TMEM181: variants seen among roughly 807,000 people sequenced by gnomAD.
TMEM181 encodes the protein transmembrane protein 181, also known as G protein-coupled receptor 178.
Under a neutral mutation model 71.9 loss-of-function variants are expected in TMEM181, and 39 were observed. That is an observed-to-expected ratio of 0.54 (90% CI 0.42 to 0.71). TMEM181 has a LOEUF of 0.71. TMEM181 is among the 30% of genes least tolerant of loss of function. The pLI, the probability that TMEM181 is intolerant of heterozygous loss-of-function variation, is 0.00. For synonymous variants in TMEM181, 245 were observed against 228.8 expected (o/e 1.07, Z -0.64); for missense variants, 595 against 583.0 (o/e 1.02, Z -0.21).
intron 7 of TMEM181, among the ~76,000 whole-genome samples, 195 bp downstream of exon 7, chr6:158,605,542 T>C (rs1016628416): frequency 1.1e-4 from 17 of 152,164 alleles, no homozygotes; most frequent in African/African-American, 3.9e-4. Context: ...TGTGGTATCA[T>C]GTATTCAGGA....
intron 10 of TMEM181, among the ~76,000 whole-genome samples, chr6:158,619,002 C>T (rs1201045356): frequency 6.6e-6 from 1 of 152,110 alleles, no homozygotes; most frequent in Non-Finnish European, 1.5e-5. Context: ...ATCTTTGTGG[C>T]GTTCTCTGTA....
At chr6:158,536,766 C>T in exon 1 of TMEM181, 1 of 1,574,712 alleles carries the variant, frequency 6.4e-7, no homozygotes, top group Non-Finnish European at 8.6e-7. Flanking sequence ...TTTGAGCCCC[C>T]GCTCTGCAGC....
intron 4 of TMEM181, 75 bp downstream of exon 4, chr6:158,584,119 T>C: frequency 7.7e-7 from 1 of 1,292,326 alleles, no homozygotes; most frequent in Non-Finnish European, 1.1e-6. Flanking sequence ...GACTTCAGAA[T>C]ATTCAGACAA....
At chr6:158,581,662 G>A (rs1783484967) in intron 3 of TMEM181, among the ~76,000 whole-genome samples, 1 of 144,290 alleles carries the variant, frequency 6.9e-6, no homozygotes, top group African/African-American at 2.6e-5. Context: ...GGCTGAAGCA[G>A]GAGAATGGTG....
chr6:158,549,181 G>C (rs926424015), intron 1 of TMEM181, among the ~76,000 whole-genome samples: 34 of 138,864 alleles, frequency 2.4e-4, no homozygotes, highest in African/African-American at 8.7e-4. Context: ...CCAGTGGCGC[G>C]ATCACGGCTC....
intron 1 of TMEM181, among the ~76,000 whole-genome samples, chr6:158,564,282 A>T (rs1332179989): frequency 6.6e-6 from 1 of 152,190 alleles, no homozygotes; most frequent in Non-Finnish European, 1.5e-5. Context: ...CGACCTCCAC[A>T]TTCTGGGTGT....
chr6:158,553,483 A>C (rs747490312), intron 1 of TMEM181, among the ~76,000 whole-genome samples: 1 of 152,250 alleles, frequency 6.6e-6, no homozygotes, highest in Non-Finnish European at 1.5e-5. Flanking sequence ...TTTGTCAATA[A>C]CTCAGAAGAT....
intron 4 of TMEM181, 107 bp downstream of exon 4, chr6:158,584,151 T>G: frequency 1.2e-6 from 1 of 853,998 alleles, no homozygotes; most frequent in Non-Finnish European, 1.8e-6. Flanking sequence ...AAGATAGATG[T>G]ATAAGGATGT....
Position 158,612,807 on chromosome 6 carries a change from A to G in TMEM181, c.896+4057A>G, listed in dbSNP as rs533316229. Among the ~76,000 whole-genome samples, 245 of 152,352 alleles carry G rather than the reference A, an allele frequency of 1.6e-3. 1 individual carries two copies. The highest frequency in any genetic ancestry group is 1.4e-3 in the Non-Finnish European group (95 of 68,038). ...ATTAAGCAAAATGCTACGGTAATTGAGATTGTCTGTCTGATATCCTACCCT... is the reference window on the plus strand; with the variant it reads ...ATTAAGCAAAATGCTACGGTAATTGGGATTGTCTGTCTGATATCCTACCCT... On this transcript the variant is annotated intron_variant, in intron 10 of 16. Coordinates refer to ENST00000684151, the MANE Select transcript of TMEM181 (RefSeq NM_001376852.1).
intron 4 of TMEM181, among the ~76,000 whole-genome samples, 162 bp from the exon 5 acceptor site, chr6:158,585,142 T>C (rs1396960802): frequency 6.6e-6 from 1 of 152,212 alleles, no homozygotes; most frequent in Non-Finnish European, 1.5e-5. Flanking sequence ...AGGCTTTTAC[T>C]TTGCTGGGCA....
At chr6:158,541,500 C>T (rs1276506388) in intron 1 of TMEM181, among the ~76,000 whole-genome samples, 1 of 152,186 alleles carries the variant, frequency 6.6e-6, no homozygotes, top group Non-Finnish European at 1.5e-5. Flanking sequence ...CCCATCTCCT[C>T]CTCTGATGGA....
rs118158069 is a variant in TMEM181, at chr6:158,561,568, G to A, written c.8+1336G>A. On this transcript the variant is annotated intron_variant, in intron 1 of 16. Coordinates refer to ENST00000684151, the MANE Select transcript of TMEM181 (RefSeq NM_001376852.1). ...TGGGCTGGGTGTGCTTTTTCAGTAG[G>A]AGAGAGGCCGGGGACGTGAGGTGGT... Among the ~76,000 whole-genome samples, 1,397 of 152,316 alleles carry A rather than the reference G, an allele frequency of 9.2e-3. 7 individuals carry two copies. The highest frequency in any genetic ancestry group is 0.014 in the Non-Finnish European group (982 of 68,030).
At chr6:158,555,478 C>T (rs1260732511), upstream of TMEM181, among the ~76,000 whole-genome samples, 1 of 152,108 alleles carries the variant, frequency 6.6e-6, no homozygotes, top group East Asian at 1.9e-4. Context: ...TTTATCTCAA[C>T]TCCAGTAGAA....
Position 158,566,068 on chromosome 6 carries a change from T to C in TMEM181, c.8+5836T>C, listed in dbSNP as rs143411848. On this transcript the variant is annotated intron_variant, in intron 1 of 16. Transcript: ENST00000684151. ...GGAGAACTTTGGATTTAGTAGAATA[T>C]CTGAGGTGAATCTAAATAGATTCTT... Among the ~76,000 whole-genome samples the C allele has an allele frequency of 3.9e-5, 6 of 152,318 alleles. No homozygotes were observed. In the East Asian group the frequency reaches 9.6e-4, roughly 24 times the overall value.
At chr6:158,555,972 A>G (rs1349335587), upstream of TMEM181, among the ~76,000 whole-genome samples, 2 of 152,268 alleles carry the variant, frequency 1.3e-5, no homozygotes, top group Non-Finnish European at 2.9e-5. Flanking sequence ...CTCAGCATGC[A>G]GATCAAACAA....
chr6:158,626,234 G>C (rs569449153), intron 13 of TMEM181, among the ~76,000 whole-genome samples: 1 of 152,326 alleles, frequency 6.6e-6, no homozygotes, highest in South Asian at 2.1e-4. Flanking sequence ...GTCTCCCAGG[G>C]CAGGCTCGGC....
rs1362362299 is a variant in TMEM181 at position 158,635,304 on chromosome 6, C to CA, written c.*3417dup. 1 of 152,222 alleles carries CA rather than the reference C, an allele frequency of 6.6e-6. No individual in the cohort carries two copies. The highest frequency in any genetic ancestry group is 2.4e-5 in the African/African-American group (1 of 41,446). 9.4% of individuals were successfully genotyped at this position (152,222 alleles called of 1,614,324 possible). Reference sequence around the variant, plus strand: ...TGGACCTGTCCGTGGGGCACAGTGCCACCCCATCACAGTGTTGCTGTCATC... The same window carrying CA: ...TGGACCTGTCCGTGGGGCACAGTGCCAACCCCATCACAGTGTTGCTGTCATC... On this transcript the variant is annotated 3_prime_UTR_variant, in exon 17 of 17. Coordinates refer to ENST00000684151, the MANE Select transcript of TMEM181 (RefSeq NM_001376852.1).
At position 158,593,288 on chromosome 6, in the gene TMEM181, CAAG is replaced by C. The variant is rs902871861; in HGVS notation, c.492+3509_492+3511del. Among the ~76,000 whole-genome samples the C allele has an allele frequency of 2.6e-5, 4 of 152,188 alleles. No homozygotes were observed. In the East Asian group the frequency reaches 5.8e-4, roughly 22 times the overall value. The stretch of plus-strand genomic sequence containing the variant: ...ACAAACTATATATACTGATTTAAGA[CAAG>C]AAAAGCACGTGAATTAGAAGTGTTT... On this transcript the variant is annotated intron_variant, in intron 6 of 16. Coordinates refer to ENST00000684151, the MANE Select transcript of TMEM181 (RefSeq NM_001376852.1).
At chr6:158,597,112 G>A (rs1296568004) in intron 6 of TMEM181, among the ~76,000 whole-genome samples, 1 of 152,160 alleles carries the variant, frequency 6.6e-6, no homozygotes, top group Non-Finnish European at 1.5e-5. Flanking sequence ...CTGTCATGTG[G>A]GCTGTGTCCT....
Sources: gnomAD v4.1 joint callset for allele counts (sites outside exome capture counted in the v4.1 genomes callset) on GRCh38, gnomAD v4.1.1 for gene constraint, MANE v1.5 for transcripts, NCBI Gene and HGNC (gene_info 2026-07-23, HGNC 2026-07-21) for gene names.